GTF2IRD1: variants seen among roughly 807,000 people sequenced by gnomAD.
The protein encoded by GTF2IRD1 is GTF2I repeat domain containing 1.
In GTF2IRD1, 26 loss-of-function variants were observed where a neutral mutation model predicts 113.2. That is an observed-to-expected ratio of 0.23 (90% CI 0.17 to 0.32). The LOEUF is 0.32. Ranked by LOEUF, GTF2IRD1 falls within the 10% of genes least tolerant of loss-of-function variation. The probability of loss-of-function intolerance (pLI) is 1.00; values close to 1 mark genes in which losing one functional copy is unlikely to be tolerated. For missense variants in GTF2IRD1, 864 were observed against 1,280.8 expected, an observed-to-expected ratio of 0.67 and a Z score of 4.97; for synonymous variants, 484 against 529.1, an observed-to-expected ratio of 0.91 and a Z score of 1.17.
At chr7:74,531,921 G>A (rs1797984844) in intron 9 of GTF2IRD1, among the ~76,000 whole-genome samples, 1 of 152,078 alleles carries the variant, frequency 6.6e-6, no homozygotes, top group African/African-American at 2.4e-5. Flanking sequence ...TCTCATGTCT[G>A]TATTCCTACT....
chr7:74,504,499 C>T lies in GTF2IRD1; in HGVS notation c.-6-3576C>T, dbSNP rs1672657941. On this transcript the variant is annotated intron_variant, in intron 1 of 26. Coordinates refer to ENST00000424337, the MANE Select transcript of GTF2IRD1 (RefSeq NM_005685.4). Reference sequence around the variant, plus strand: ...TCTGCGTGTGAGCAGCTGGTCTGTTCCCTGCATCCCTGTGAATGTGAGAAG... The same window carrying T: ...TCTGCGTGTGAGCAGCTGGTCTGTTTCCTGCATCCCTGTGAATGTGAGAAG... Among the ~76,000 whole-genome samples the T allele has an allele frequency of 2.6e-5, 4 of 152,094 alleles. No homozygotes were observed. In the South Asian group the frequency reaches 6.2e-4, roughly 24 times the overall value.
At position 74,458,699 on chromosome 7, in the gene GTF2IRD1, C is replaced by T. The variant is rs569272309; in HGVS notation, c.-7+4523C>T. On this transcript the variant is annotated intron_variant, in intron 1 of 26. Coordinates refer to ENST00000424337, the MANE Select transcript of GTF2IRD1 (RefSeq NM_005685.4). ...AGATGGAGTCTTGCTTTGTTGCCCA[C>T]GCTGGAGTGCAGTGGCACGATCCCA... Among the ~76,000 whole-genome samples, 60 of 150,706 alleles carry T rather than the reference C, an allele frequency of 4.0e-4. 1 individual carries two copies. The highest frequency in any genetic ancestry group is 6.8e-3 in the Middle Eastern group (2 of 294).
At chr7:74,591,169 A>G in intron 24 of GTF2IRD1, 152 bp downstream of exon 24, 1 of 442,972 alleles carries the variant, frequency 2.3e-6, no homozygotes, top group Non-Finnish European at 4.0e-6. Context: ...TTCAACAGTC[A>G]TGGACATTTA....
At chr7:74,522,342 G>A (rs1002518253) in intron 7 of GTF2IRD1, among the ~76,000 whole-genome samples, 2 of 152,080 alleles carry the variant, frequency 1.3e-5, no homozygotes, top group Admixed American at 6.6e-5. Context: ...GAATGCAGTA[G>A]GACTTGCCAG....
chr7:74,588,752 G>A (rs1251978094), intron 22 of GTF2IRD1, among the ~76,000 whole-genome samples: 4 of 152,054 alleles, frequency 2.6e-5, no homozygotes, highest in African/African-American at 7.2e-5. Flanking sequence ...GAATGGTCTC[G>A]AACTCCTGGC....
At chr7:74,554,332 G>A (rs1305710178) in intron 17 of GTF2IRD1, among the ~76,000 whole-genome samples, 2 of 152,164 alleles carry the variant, frequency 1.3e-5, no homozygotes, top group African/African-American at 4.8e-5. Flanking sequence ...TTCAGAAGCA[G>A]TGCTGTATGA....
intron 25 of GTF2IRD1, among the ~76,000 whole-genome samples, chr7:74,600,577 G>GAAAAAAATTA (rs1174999399): frequency 2.6e-5 from 4 of 152,092 alleles, no homozygotes; most frequent in African/African-American, 9.7e-5. Context: ...TGGACGTGGT[G>GAAAAAAATTA]GCAGACACCT....
chr7:74,573,276 C>A (rs1010623978), intron 22 of GTF2IRD1, among the ~76,000 whole-genome samples: 1 of 151,666 alleles, frequency 6.6e-6, no homozygotes, highest in African/African-American at 2.4e-5. Flanking sequence ...AGGGCACATG[C>A]CTGTAGTCCC....
At chr7:74,602,255 A>G in intron 26 of GTF2IRD1, 110 bp from the exon 27 acceptor site, 1 of 1,355,916 alleles carries the variant, frequency 7.4e-7, no homozygotes, top group East Asian at 2.6e-5. Context: ...AAAATAAAAA[A>G]TATAAATAAA....
At chr7:74,482,261 T>C (rs1323142311) in intron 1 of GTF2IRD1, among the ~76,000 whole-genome samples, 4 of 149,022 alleles carry the variant, frequency 2.7e-5, no homozygotes, top group South Asian at 4.3e-4. Context: ...CGGGCCTCCT[T>C]CTGTATCCCA....
At chr7:74,461,626 T>C (rs1467323466) in intron 1 of GTF2IRD1, among the ~76,000 whole-genome samples, 1 of 152,174 alleles carries the variant, frequency 6.6e-6, no homozygotes, top group Non-Finnish European at 1.5e-5. Context: ...TCACCCAGGC[T>C]GGAGTGCAGT....
chr7:74,529,519 G>C (rs1380027951), intron 8 of GTF2IRD1, among the ~76,000 whole-genome samples: 1 of 152,166 alleles, frequency 6.6e-6, no homozygotes, highest in Non-Finnish European at 1.5e-5. Flanking sequence ...GCCTCCCGGA[G>C]TGCTGGAATT....
At chr7:74,601,316 C>T (rs1239857489) in intron 26 of GTF2IRD1, 136 bp downstream of exon 26, 5 of 1,541,416 alleles carry the variant, frequency 3.2e-6, no homozygotes, top group South Asian at 2.4e-5. Flanking sequence ...CTTCCGGCCT[C>T]GGGGGTTATA....
intron 2 of GTF2IRD1, among the ~76,000 whole-genome samples, chr7:74,511,701 C>T (rs1194195539): frequency 6.6e-6 from 1 of 152,168 alleles, no homozygotes; most frequent in Non-Finnish European, 1.5e-5. Context: ...TCCCAGGCCA[C>T]GCAGCACAGA....
At chr7:74,538,105 G>GA in intron 11 of GTF2IRD1, 31 bp from the exon 12 acceptor site, 2 of 1,610,240 alleles carry the variant, frequency 1.2e-6, no homozygotes, top group Non-Finnish European at 1.7e-6. Flanking sequence ...GGACTTGGCT[G>GA]ACAGGTGTCA....
intron 22 of GTF2IRD1, among the ~76,000 whole-genome samples, chr7:74,566,006 A>AACACACACACACACAC (rs66556824): frequency 3.7e-4 from 53 of 143,216 alleles, no homozygotes; most frequent in African/African-American, 5.4e-4. Context: ...AAGACACACA[A>AACACACACACACACAC]ACACACACAC....
chr7:74,471,417 G>A (rs1794074045), intron 1 of GTF2IRD1, among the ~76,000 whole-genome samples: 1 of 152,060 alleles, frequency 6.6e-6, no homozygotes, highest in Admixed American at 6.6e-5. Flanking sequence ...GCTGAGCCGG[G>A]AGAATTGCTT....
chr7:74,536,305 C>T (rs376490958), intron 11 of GTF2IRD1, 30 bp downstream of exon 11: 17 of 1,412,044 alleles, frequency 1.2e-5, no homozygotes, highest in South Asian at 2.3e-5. Context: ...CCCGGAGGCC[C>T]GCGGCCAGCC....
intron 3 of GTF2IRD1, among the ~76,000 whole-genome samples, chr7:74,515,043 C>G (rs924203157): frequency 8.1e-6 from 1 of 124,066 alleles, no homozygotes. Flanking sequence ...GGCAACAGAG[C>G]GAGACTCTGT....
Sources: allele counts gnomAD v4.1 joint callset (sites outside exome capture counted in the v4.1 genomes callset), GRCh38; gene constraint gnomAD v4.1.1; transcripts MANE v1.5; gene names NCBI Gene and HGNC (gene_info 2026-07-23, HGNC 2026-07-21).